NADK2: variants seen among roughly 807,000 people sequenced by gnomAD.
NADK2 encodes NAD kinase domain-containing protein 1, mitochondrial.
Under a neutral mutation model 62.1 loss-of-function variants are expected in NADK2, and 35 were observed. That is an observed-to-expected ratio of 0.56 (90% CI 0.43 to 0.75). NADK2 has a LOEUF of 0.75. Among genes scored for constraint, NADK2 ranks in the 30% least tolerant of loss-of-function variants. NADK2 has a pLI of 0.00. For missense variants in NADK2, 439 were observed against 561.3 expected (o/e 0.78, Z 2.20); for synonymous variants, 205 against 207.9 (o/e 0.99, Z 0.12).
At position 36,219,759 on chromosome 5, in the gene NADK2, T is replaced by C. The variant is rs149255810; in HGVS notation, c.561-80A>G. On this transcript the variant is annotated intron_variant, in intron 4 of 11. Coordinates refer to ENST00000381937, the MANE Select transcript of NADK2 (RefSeq NM_001085411.3). ...AGCAAAAAAATTTAATCAAAAGGTA[T>C]CACTAAGCTATAAAAATAAGAAATG... 6,135 of 968,984 alleles carry C rather than the reference T, an allele frequency of 6.3e-3. 28 individuals are homozygous for C. The highest frequency in any genetic ancestry group is 8.5e-3 in the Non-Finnish European group (5,310 of 623,796). 60.0% of individuals were successfully genotyped at this position (968,984 alleles called of 1,614,324 possible).
At chr5:36,217,636 A>T in intron 6 of NADK2, 112 bp downstream of exon 6, 1 of 1,101,256 alleles carries the variant, frequency 9.1e-7, no homozygotes, top group Non-Finnish European at 1.3e-6. Flanking sequence ...TACTTTGTTA[A>T]GTGCTATTAA....
intron 6 of NADK2, among the ~76,000 whole-genome samples, chr5:36,217,328 A>G (rs1747081268): frequency 6.6e-6 from 1 of 152,196 alleles, no homozygotes; most frequent in East Asian, 1.9e-4. Flanking sequence ...TACTTCAAGC[A>G]CAAATCCTAA....
intron 4 of NADK2, among the ~76,000 whole-genome samples, chr5:36,223,923 G>GA (rs549658176): frequency 1.3e-5 from 2 of 151,354 alleles, no homozygotes; most frequent in African/African-American, 4.9e-5. Flanking sequence ...TGAAGGGAGA[G>GA]AAAAAAAAGA....
intron 8 of NADK2, among the ~76,000 whole-genome samples, chr5:36,204,630 T>C (rs1746568280): frequency 6.6e-6 from 1 of 152,102 alleles, no homozygotes; most frequent in African/African-American, 2.4e-5. Context: ...GTTTTTTTCA[T>C]AAAATTATTG....
intron 7 of NADK2, among the ~76,000 whole-genome samples, chr5:36,209,797 C>T (rs1389662265): frequency 1.3e-5 from 2 of 152,086 alleles, no homozygotes; most frequent in Non-Finnish European, 1.5e-5. Flanking sequence ...TAAGATACCA[C>T]TATCTTTGTT....
chr5:36,223,783 C>T (rs1747366601), intron 4 of NADK2, among the ~76,000 whole-genome samples: 1 of 151,900 alleles, frequency 6.6e-6, no homozygotes, highest in Non-Finnish European at 1.5e-5. Context: ...AGTGGCGATA[C>T]CAAGCTTGGG....
Position 36,200,275 on chromosome 5 carries a change from G to A in NADK2, c.1018C>T (p.Arg340Ter), listed in dbSNP as rs587777772. The A allele has an allele frequency of 2.5e-6, 4 of 1,576,690 alleles. No homozygotes were observed. The highest frequency in any genetic ancestry group is 2.3e-5 in the East Asian group (1 of 43,050). Reference protein sequence around the residue: ...AVEDVLNIAKRQGNLSLPLNR... With the variant: ...AVEDVLNIAK ...AATGGAAGACTCAAATTTCCTTGTCGTTTTGCTGTTGAAAAAGGAAAGGGG... is the reference window on the plus strand; with the variant it reads ...AATGGAAGACTCAAATTTCCTTGTCATTTTGCTGTTGAAAAAGGAAAGGGG... The change falls in exon 10 of 12, where the codon CGA becomes TGA. Residue 340 changes from arginine to a stop codon, truncating the protein, a stop_gained. Coordinates refer to ENST00000381937, the MANE Select transcript of NADK2 (RefSeq NM_001085411.3). LOFTEE classifies it high-confidence loss of function.
intron 2 of NADK2, 76 bp from the exon 3 acceptor site, chr5:36,226,639 A>G (rs1411039577): frequency 1.0e-6 from 1 of 971,896 alleles, no homozygotes; most frequent in Non-Finnish European, 1.6e-6. Flanking sequence ...TCTGAGAGGC[A>G]GATGATTACA....
At chr5:36,220,656 T>C (rs1302989790) in intron 4 of NADK2, among the ~76,000 whole-genome samples, 2 of 152,216 alleles carry the variant, frequency 1.3e-5, no homozygotes, top group Non-Finnish European at 2.9e-5. Flanking sequence ...GTTAAGTATA[T>C]AAAAGGTATC....
At chr5:36,218,757 G>T in intron 5 of NADK2, among the ~76,000 whole-genome samples, 1 of 152,100 alleles carries the variant, frequency 6.6e-6, no homozygotes, top group East Asian at 1.9e-4. Context: ...TCTGACCACT[G>T]AACACATTAA....
chr5:36,216,512 T>C (rs1004939906), intron 6 of NADK2, among the ~76,000 whole-genome samples: 6 of 152,174 alleles, frequency 3.9e-5, no homozygotes, highest in Non-Finnish European at 5.9e-5. Flanking sequence ...TGCTGAATAA[T>C]TTCCCCTGCC....
intron 5 of NADK2, 112 bp downstream of exon 5, chr5:36,219,484 T>A (rs1381726743): frequency 5.6e-6 from 5 of 889,484 alleles, no homozygotes; most frequent in Non-Finnish European, 7.0e-6. Context: ...GTACTGGGAT[T>A]ACAGGCGTGA....
At chr5:36,201,737 G>A (rs1223084633) in intron 8 of NADK2, among the ~76,000 whole-genome samples, 1 of 151,864 alleles carries the variant, frequency 6.6e-6, no homozygotes, top group Non-Finnish European at 1.5e-5. Context: ...AGGGAGACTA[G>A]CTTTTTGCTG....
chr5:36,234,149 C>T (rs536854421), intron 1 of NADK2, among the ~76,000 whole-genome samples: 18 of 151,816 alleles, frequency 1.2e-4, no homozygotes, highest in Admixed American at 5.2e-4. Flanking sequence ...CCGAGACGGG[C>T]GGATCACGAG....
At chr5:36,239,766 T>C (rs139607149) in intron 1 of NADK2, among the ~76,000 whole-genome samples, 225 of 152,336 alleles carry the variant, frequency 1.5e-3, no homozygotes, top group African/African-American at 5.2e-3. Context: ...TTGGAGGCTA[T>C]CTGGTACTAC....
intron 2 of NADK2, among the ~76,000 whole-genome samples, chr5:36,226,997 C>T (rs888312723): frequency 1.3e-5 from 2 of 152,114 alleles, no homozygotes; most frequent in Non-Finnish European, 1.5e-5. Flanking sequence ...GTACCAGACA[C>T]CGGAATAGTG....
intron 1 of NADK2, among the ~76,000 whole-genome samples, chr5:36,239,038 G>A (rs752056532): frequency 1.3e-5 from 2 of 152,156 alleles, no homozygotes; most frequent in South Asian, 2.1e-4. Context: ...AAACAGACCT[G>A]TTTTACATCA....
chr5:36,216,046 T>C (rs1276005873), intron 6 of NADK2, among the ~76,000 whole-genome samples: 2 of 152,186 alleles, frequency 1.3e-5, no homozygotes, highest in African/African-American at 4.8e-5. Context: ...CTTATTTACA[T>C]TACCACCAAC....
intron 8 of NADK2, 116 bp downstream of exon 8, chr5:36,207,054 A>AC: frequency 1.3e-6 from 1 of 771,160 alleles, no homozygotes; most frequent in Non-Finnish European, 2.2e-6. Context: ...AACTTGGCCT[A>AC]CCTACATAAC....
Sources: allele counts gnomAD v4.1 joint callset (sites outside exome capture counted in the v4.1 genomes callset), GRCh38; gene constraint gnomAD v4.1.1; transcripts MANE v1.5; gene names NCBI Gene and HGNC (gene_info 2026-07-23, HGNC 2026-07-21).